The following FBXL4 variants were observed in gnomAD, a reference collection of about 807,000 sequenced individuals.
FBXL4 encodes F-box and leucine rich repeat protein 4.
A neutral mutation model predicts 58.9 loss-of-function variants in FBXL4; 40 were observed. That is an observed-to-expected ratio of 0.68 (90% CI 0.53 to 0.88). The LOEUF is 0.88. Ranked by LOEUF, FBXL4 falls within the 40% of genes least tolerant of loss-of-function variation. The probability of loss-of-function intolerance (pLI) is 0.00; values close to 1 mark genes in which losing one functional copy is unlikely to be tolerated. For synonymous variants in FBXL4, 263 were observed against 265.5 expected, an observed-to-expected ratio of 0.99 and a Z score of 0.09; for missense variants, 676 against 734.4, an observed-to-expected ratio of 0.92 and a Z score of 0.92.
At chr6:98,879,065 T>C (rs1230135351) in intron 8 of FBXL4, among the ~76,000 whole-genome samples, 1 of 152,114 alleles carries the variant, frequency 6.6e-6, no homozygotes, top group Non-Finnish European at 1.5e-5. Flanking sequence ...GAGATAAATA[T>C]GTCATCAAAA....
intron 8 of FBXL4, among the ~76,000 whole-genome samples, chr6:98,877,198 T>C (rs1277527259): frequency 6.6e-6 from 1 of 152,114 alleles, no homozygotes; most frequent in African/African-American, 2.4e-5. Context: ...TCAGTGTATG[T>C]ATGGTGGAAT....
At chr6:98,938,169 C>A (rs924548230) in intron 1 of FBXL4, among the ~76,000 whole-genome samples, 1 of 150,330 alleles carries the variant, frequency 6.7e-6, no homozygotes, top group Non-Finnish European at 1.5e-5. Flanking sequence ...TTGTTTGAGT[C>A]TTGATGGCCT....
chr6:98,903,313 C>T (rs1424164924), intron 6 of FBXL4, among the ~76,000 whole-genome samples: 1 of 152,100 alleles, frequency 6.6e-6, no homozygotes, highest in Non-Finnish European at 1.5e-5. Context: ...CAACAGTAAT[C>T]AGTAGGCAAA....
intron 4 of FBXL4, among the ~76,000 whole-genome samples, chr6:98,918,721 T>C (rs1379579647): frequency 6.6e-6 from 1 of 152,052 alleles, no homozygotes; most frequent in Non-Finnish European, 1.5e-5. Context: ...GCTAGTAAAA[T>C]TTTTTAATAA....
At chr6:98,891,722 CAAAAA>C (rs34788813) in intron 7 of FBXL4, among the ~76,000 whole-genome samples, 2 of 108,370 alleles carry the variant, frequency 1.8e-5, no homozygotes, top group Non-Finnish European at 4.2e-5. Flanking sequence ...CTATCTCTAC[CAAAAA>C]AAAAAAAAAA....
intron 1 of FBXL4, among the ~76,000 whole-genome samples, chr6:98,945,031 T>A (rs1004622495): frequency 2.6e-5 from 4 of 152,216 alleles, no homozygotes; most frequent in Non-Finnish European, 5.9e-5. Flanking sequence ...GGCAATGTGA[T>A]ATGGCAAAAG....
chr6:98,882,853 A>T (rs955662843), intron 7 of FBXL4, among the ~76,000 whole-genome samples: 37 of 152,038 alleles, frequency 2.4e-4, no homozygotes, highest in Admixed American at 2.2e-3. Context: ...CATTTGATTG[A>T]TATTTAGTTG....
At chr6:98,942,914 T>C (rs1472723488) in intron 1 of FBXL4, among the ~76,000 whole-genome samples, 2 of 152,088 alleles carry the variant, frequency 1.3e-5, no homozygotes, top group Non-Finnish European at 2.9e-5. Flanking sequence ...ATAGTTAATA[T>C]GACTAGATTA....
intron 9 of FBXL4, 100 bp from the exon 10 acceptor site, chr6:98,874,541 T>C: frequency 7.8e-7 from 1 of 1,280,290 alleles, no homozygotes; most frequent in Non-Finnish European, 1.1e-6. Flanking sequence ...TTGTTTGTAA[T>C]GAACTTAAAA....
Position 98,869,238 on chromosome 6 carries a change from C to T in FBXL4, c.*5040G>A, listed in dbSNP as rs1172867107. ...TAAAAGGAGAAAAGTAGATGCAGCACTGATGTGTCAAAAATGACTTTGAAA... is the reference window on the plus strand; with the variant it reads ...TAAAAGGAGAAAAGTAGATGCAGCATTGATGTGTCAAAAATGACTTTGAAA... On this transcript the variant is annotated 3_prime_UTR_variant, in exon 10 of 10. Coordinates refer to ENST00000369244, the MANE Select transcript of FBXL4 (RefSeq NM_001278716.2). The T allele has an allele frequency of 2.0e-5, 3 of 152,110 alleles. No individual in the cohort carries two copies. The highest frequency in any genetic ancestry group is 4.4e-5 in the Non-Finnish European group (3 of 68,044). 9.4% of individuals were successfully genotyped at this position (152,110 alleles called of 1,614,324 possible). A position where few individuals can be genotyped will look rare whatever the true frequency, so the allele number is the denominator to read the frequency against.
chr6:98,888,632 A>G (rs1401396215), intron 7 of FBXL4, among the ~76,000 whole-genome samples: 1 of 152,230 alleles, frequency 6.6e-6, no homozygotes, highest in Non-Finnish European at 1.5e-5. Context: ...GAAGTACAAG[A>G]GTAGTTCTAT....
intron 7 of FBXL4, among the ~76,000 whole-genome samples, chr6:98,891,884 C>T (rs1223831117): frequency 6.6e-6 from 1 of 152,162 alleles, no homozygotes; most frequent in Non-Finnish European, 1.5e-5. Flanking sequence ...TTACACCTGG[C>T]TTATTGGTCA....
At chr6:98,885,161 T>A (rs572547944) in intron 7 of FBXL4, among the ~76,000 whole-genome samples, 1 of 152,316 alleles carries the variant, frequency 6.6e-6, no homozygotes, top group East Asian at 1.9e-4. Context: ...TTGAGTGTAG[T>A]GGCACAATCT....
At chr6:98,895,652 T>C (rs963708728) in intron 7 of FBXL4, among the ~76,000 whole-genome samples, 8 of 152,208 alleles carry the variant, frequency 5.3e-5, no homozygotes, top group Non-Finnish European at 1.0e-4. Context: ...AAGATGAGAA[T>C]ACCACCAACC....
chr6:98,881,025 C>T (rs541245799), intron 7 of FBXL4, among the ~76,000 whole-genome samples: 22 of 152,164 alleles, frequency 1.4e-4, no homozygotes, highest in Non-Finnish European at 2.8e-4. Flanking sequence ...AGGCTGGTGA[C>T]ACTCCTGAAG....
rs1275379770 is a variant in FBXL4, at chr6:98,914,867, G to C, written c.858+2507C>G. Among the ~76,000 whole-genome samples the C allele has an allele frequency of 2.0e-5, 3 of 152,296 alleles. No homozygotes were observed. The East Asian group carries it at 5.8e-4, about 29-fold the overall frequency. On this transcript the variant is annotated intron_variant, in intron 5 of 9. Transcript: ENST00000369244. ...TAAAGGGTATTCAATTAGGAAAAGA[G>C]GAAGTCAAATTGTCCCTGTTTGCAC...
At chr6:98,934,085 G>A (rs1442496020) in intron 2 of FBXL4, among the ~76,000 whole-genome samples, 1 of 152,142 alleles carries the variant, frequency 6.6e-6, no homozygotes, top group Non-Finnish European at 1.5e-5. Context: ...ATACATAAAA[G>A]AGTCTTGACT....
At chr6:98,921,179 T>C (rs774219198) in intron 4 of FBXL4, among the ~76,000 whole-genome samples, 40 of 152,158 alleles carry the variant, frequency 2.6e-4, no homozygotes, top group Admixed American at 5.2e-4. Flanking sequence ...GGATGACTAC[T>C]ATGTGTCCAG....
chr6:98,912,978 G>T (rs1355252225), intron 5 of FBXL4, among the ~76,000 whole-genome samples: 1 of 151,828 alleles, frequency 6.6e-6, no homozygotes, highest in Non-Finnish European at 1.5e-5. Flanking sequence ...AAGGATGGAG[G>T]AAGATCTACC....
Sources: allele counts gnomAD v4.1 joint callset (sites outside exome capture counted in the v4.1 genomes callset), GRCh38; gene constraint gnomAD v4.1.1; transcripts MANE v1.5; gene names NCBI Gene and HGNC (gene_info 2026-07-23, HGNC 2026-07-21).